Variants in GPC6 observed in about 807,000 individuals in gnomAD.
The protein encoded by GPC6 is glypican 6.
Under a neutral mutation model 55.2 loss-of-function variants are expected in GPC6, and 14 were observed. The ratio of observed to expected loss-of-function variants is 0.25; its 90% confidence interval spans 0.17 to 0.40. GPC6 has a LOEUF of 0.40. GPC6 is among the 10% of genes least tolerant of loss of function. GPC6 has a pLI of 1.00. For synonymous variants in GPC6, 278 were observed against 259.6 expected, an observed-to-expected ratio of 1.07 and a Z score of -0.68; for missense variants, 641 against 708.5, an observed-to-expected ratio of 0.90 and a Z score of 1.08.
At position 93,916,314 on chromosome 13, in the gene GPC6, G is replaced by A. The variant is rs1594585322; in HGVS notation, c.711+85769G>A. ...ACAAATGTAAGACTGTTTGTTACAGGCATAAATCGGCACTTCTTGCTGCTT... is the reference window on the plus strand; with the variant it reads ...ACAAATGTAAGACTGTTTGTTACAGACATAAATCGGCACTTCTTGCTGCTT... On this transcript the variant is annotated intron_variant, in intron 3 of 8. Transcript: ENST00000377047. Among the ~76,000 whole-genome samples the A allele has an allele frequency of 2.0e-5, 3 of 152,254 alleles. No individual in the cohort carries two copies. The South Asian group carries it at 6.2e-4, about 32-fold the overall frequency.
intron 6 of GPC6, among the ~76,000 whole-genome samples, chr13:94,319,493 A>G (rs983669863): frequency 5.3e-5 from 8 of 152,224 alleles, no homozygotes; most frequent in Admixed American, 3.9e-4. Flanking sequence ...TTAATATACA[A>G]TCAACCACAT....
intron 4 of GPC6, among the ~76,000 whole-genome samples, chr13:94,114,580 T>A (rs1198422471): frequency 6.6e-6 from 1 of 151,992 alleles, no homozygotes; most frequent in Non-Finnish European, 1.5e-5. Context: ...GTAGGATAGG[T>A]TAGGATAGTG....
Position 94,403,083 on chromosome 13 carries a change from T to G in GPC6, c.1534T>G (p.Phe512Val). 1 of 1,613,862 alleles carries G rather than the reference T, an allele frequency of 6.2e-7. No individual in the cohort carries two copies. Among genetic ancestry groups the G allele is most frequent in the Non-Finnish European group, 8.5e-7 (1 of 1,179,754 alleles). The change falls in exon 9 of 9, where the codon TTT (phenylalanine) becomes GTT (valine). Residue 512 changes from phenylalanine to valine, a missense_variant. By Grantham distance (50) the Phe-to-Val change is conservative (BLOSUM62 -1). Coordinates refer to ENST00000377047, the MANE Select transcript of GPC6 (RefSeq NM_005708.5). ...TGACGTGTGTCCCACGGAGTTTGAG[T>G]TTGTCACCACAGAGGCCCCCGCAGT... ...MDDVCPTEFEFVTTEAPAVDP... is the reference protein window; with the variant it reads ...MDDVCPTEFEVVTTEAPAVDP...
At chr13:93,510,715 T>C (rs919663482) in intron 1 of GPC6, among the ~76,000 whole-genome samples, 1 of 151,654 alleles carries the variant, frequency 6.6e-6, no homozygotes, top group African/African-American at 2.4e-5. Flanking sequence ...GTGTTTGTCG[T>C]TTTTTGAATA....
At chr13:93,231,391 A>ATACG (rs1876038173) in intron 1 of GPC6, among the ~76,000 whole-genome samples, 4 of 21,478 alleles carry the variant, frequency 1.9e-4, no homozygotes, top group East Asian at 1.4e-3. Context: ...ATATATATAT[A>ATACG]TATATGTATA....
intron 2 of GPC6, among the ~76,000 whole-genome samples, chr13:93,678,921 T>C (rs926796765): frequency 2.0e-5 from 3 of 152,140 alleles, no homozygotes; most frequent in African/African-American, 7.2e-5. Flanking sequence ...CCAATTTCAG[T>C]ATGAGCATCT....
rs543936659 is a variant in GPC6 at position 93,402,798 on chromosome 13, C to T, written c.161-142465C>T. 2.0e-5 allele frequency among the ~76,000 whole-genome samples: 3 copies of T among 152,232 alleles called. No individual in the cohort carries two copies. The South Asian group carries it at 6.2e-4, about 32-fold the overall frequency. ...TACATGCTCTACGAGAAGTCAATCT[C>T]AGCTTGCTTATTGGACCCATTTTCC... On this transcript the variant is annotated intron_variant, in intron 1 of 8. Transcript: ENST00000377047.
chr13:94,101,188 G>T (rs193014580), intron 4 of GPC6, among the ~76,000 whole-genome samples: 1 of 152,116 alleles, frequency 6.6e-6, no homozygotes, highest in African/African-American at 2.4e-5. Context: ...TACATTATTT[G>T]TTCTCAGTTC....
intron 2 of GPC6, among the ~76,000 whole-genome samples, chr13:93,799,709 T>G (rs551753784): frequency 1.3e-5 from 2 of 152,288 alleles, no homozygotes; most frequent in East Asian, 3.9e-4. Context: ...TATGATTAAG[T>G]GTTTATGAGT....
rs564685420 is a variant in GPC6, at chr13:93,634,582, G to A, written c.319+89161G>A. ...CCAGACATATGTTTTGTGGTTCCGG[G>A]ATGTTTGAGTGGCTGTGTTTGTAAT... is the stretch of plus-strand genomic sequence containing the variant. On this transcript the variant is annotated intron_variant, in intron 2 of 8. Transcript: ENST00000377047. Among the ~76,000 whole-genome samples the A allele has an allele frequency of 2.0e-4, 30 of 152,262 alleles. No individual in the cohort carries two copies. The South Asian group carries it at 6.2e-3, about 32-fold the overall frequency.
intron 2 of GPC6, among the ~76,000 whole-genome samples, chr13:93,652,726 A>G (rs1032529083): frequency 6.6e-6 from 1 of 152,180 alleles, no homozygotes; most frequent in South Asian, 2.1e-4. Flanking sequence ...TTTCCATATG[A>G]CATGCTGTGT....
intron 4 of GPC6, among the ~76,000 whole-genome samples, chr13:94,197,740 G>A (rs1467823945): frequency 6.6e-6 from 1 of 152,102 alleles, no homozygotes; most frequent in South Asian, 2.1e-4. Flanking sequence ...ACAAAAGATA[G>A]TATCTGTATT....
intron 3 of GPC6, among the ~76,000 whole-genome samples, chr13:93,889,715 G>A (rs1269189028): frequency 6.6e-6 from 1 of 152,006 alleles, no homozygotes; most frequent in Non-Finnish European, 1.5e-5. Context: ...AAAGTCAAAG[G>A]TTTCTTTTTA....
At chr13:93,222,981 G>A (rs1017858746), upstream of GPC6, among the ~76,000 whole-genome samples, 5 of 148,900 alleles carry the variant, frequency 3.4e-5, no homozygotes, top group Non-Finnish European at 7.4e-5. Context: ...GGAGGCTGAG[G>A]CAAAATGGCC....
At chr13:93,390,673 C>CT (rs989038233) in intron 1 of GPC6, among the ~76,000 whole-genome samples, 2 of 151,772 alleles carry the variant, frequency 1.3e-5, no homozygotes, top group African/African-American at 2.4e-5. Context: ...TTTTTAAATC[C>CT]TTTTTTTCCC....
intron 4 of GPC6, among the ~76,000 whole-genome samples, chr13:94,049,904 C>G (rs1448647332): frequency 6.6e-6 from 1 of 152,048 alleles, no homozygotes; most frequent in African/African-American, 2.4e-5. Context: ...TACAGTTCCC[C>G]CATACTGTTC....
chr13:93,531,965 A>G (rs889500930), intron 1 of GPC6, among the ~76,000 whole-genome samples: 2 of 152,164 alleles, frequency 1.3e-5, no homozygotes, highest in East Asian at 3.9e-4. Flanking sequence ...GATGCTATTA[A>G]AAGGACGGTA....
At chr13:94,144,536 A>AGTGTGT (rs758759927) in intron 4 of GPC6, among the ~76,000 whole-genome samples, 1,378 of 80,060 alleles carry the variant, frequency 0.017, 9 homozygotes, top group Non-Finnish European at 0.019. Context: ...ATTCTTTGGG[A>AGTGTGT]GTGTGTGTGT....
chr13:93,232,480 G>A (rs1403156851), intron 1 of GPC6, among the ~76,000 whole-genome samples: 4 of 152,132 alleles, frequency 2.6e-5, no homozygotes, highest in African/African-American at 7.2e-5. Flanking sequence ...ATTTTAGAGC[G>A]ATTGTGAGTT....
Sources: gnomAD v4.1 joint callset for allele counts (sites outside exome capture counted in the v4.1 genomes callset) on GRCh38, gnomAD v4.1.1 for gene constraint, MANE v1.5 for transcripts, NCBI Gene and HGNC (gene_info 2026-07-23, HGNC 2026-07-21) for gene names.